Variants in TRABD2B observed in about 807,000 individuals in gnomAD.
TRABD2B encodes metalloprotease TIKI2.
Under a neutral mutation model 40.1 loss-of-function variants are expected in TRABD2B, and 14 were observed. That is an observed-to-expected ratio of 0.35 (90% confidence interval 0.23 to 0.55). The LOEUF is 0.55. TRABD2B is among the 20% of genes least tolerant of loss of function. The pLI, the probability that TRABD2B is intolerant of heterozygous loss-of-function variation, is 0.90. For synonymous variants in TRABD2B, 263 were observed against 277.0 expected (o/e 0.95, Z 0.50); for missense variants, 541 against 648.6 (o/e 0.83, Z 1.80).
chr1:47,986,845 C>T (rs916728658), intron 2 of TRABD2B, among the ~76,000 whole-genome samples: 9 of 152,190 alleles, frequency 5.9e-5, no homozygotes, highest in South Asian at 2.1e-4. Context: ...AGCTGCTCGG[C>T]GAGACGGCTT....
intron 2 of TRABD2B, among the ~76,000 whole-genome samples, chr1:47,977,229 T>C (rs1645769544): frequency 6.6e-6 from 1 of 152,138 alleles, no homozygotes; most frequent in African/African-American, 2.4e-5. Context: ...CATGCCACCA[T>C]GTCACCAGCT....
At chr1:47,992,906 A>C (rs1020226735) in intron 2 of TRABD2B, among the ~76,000 whole-genome samples, 1 of 152,208 alleles carries the variant, frequency 6.6e-6, no homozygotes, top group Non-Finnish European at 1.5e-5. Flanking sequence ...CCGGCAAATC[A>C]ATCTGGCTTC....
At chr1:47,939,230 G>C (rs902000181) in intron 2 of TRABD2B, among the ~76,000 whole-genome samples, 1 of 152,104 alleles carries the variant, frequency 6.6e-6, no homozygotes, top group Non-Finnish European at 1.5e-5. Context: ...AGCACAGGCA[G>C]AGAGTTTTGA....
intron 2 of TRABD2B, among the ~76,000 whole-genome samples, chr1:47,842,456 G>T (rs1329003915): frequency 6.6e-6 from 1 of 152,116 alleles, no homozygotes; most frequent in African/African-American, 2.4e-5. Context: ...TCCCAGGGGG[G>T]AGGATACTGG....
At chr1:47,946,647 T>C (rs1320770415) in intron 2 of TRABD2B, among the ~76,000 whole-genome samples, 4 of 152,210 alleles carry the variant, frequency 2.6e-5, no homozygotes, top group Non-Finnish European at 5.9e-5. Context: ...ATAATTTTGT[T>C]GAGAGTTTTT....
intron 2 of TRABD2B, among the ~76,000 whole-genome samples, chr1:47,816,819 G>C (rs1013727513): frequency 3.9e-5 from 6 of 152,220 alleles, no homozygotes; most frequent in African/African-American, 1.4e-4. Flanking sequence ...CCAACTCTGT[G>C]AGGTGGTTCT....
intron 2 of TRABD2B, among the ~76,000 whole-genome samples, chr1:47,855,579 A>C (rs1016717247): frequency 6.6e-6 from 1 of 152,256 alleles, no homozygotes; most frequent in African/African-American, 2.4e-5. Context: ...ACAGCTGTCT[A>C]GTATTTCACT....
chr1:47,949,401 CTTTTTTTTTTTTTTT>C (rs35027686), intron 2 of TRABD2B, among the ~76,000 whole-genome samples: 1 of 80,280 alleles, frequency 1.2e-5, no homozygotes, highest in Non-Finnish European at 2.3e-5. Context: ...TCTTTTCTTT[CTTTTTTTTTTTTTTT>C]TTTTTTTTTG....
intron 2 of TRABD2B, among the ~76,000 whole-genome samples, chr1:47,885,737 A>C (rs7554657): frequency 0.042 from 6,411 of 152,208 alleles, 477 homozygotes; most frequent in African/African-American, 0.15. Context: ...TTTCAGGAGC[A>C]GTTTGGGAAG....
At chr1:47,976,758 T>C (rs1307213305) in intron 2 of TRABD2B, among the ~76,000 whole-genome samples, 4 of 152,216 alleles carry the variant, frequency 2.6e-5, no homozygotes, top group African/African-American at 9.6e-5. Flanking sequence ...ACATGAGCAG[T>C]ACCTGGCATG....
chr1:47,912,558 G>C (rs2124709546), intron 2 of TRABD2B, among the ~76,000 whole-genome samples: 1 of 152,334 alleles, frequency 6.6e-6, no homozygotes, highest in South Asian at 2.1e-4. Flanking sequence ...GCTGGAGGTG[G>C]CATGGAAAAT....
At position 47,994,150 on chromosome 1, in the gene TRABD2B, G is replaced by A; in HGVS notation, c.550C>T (p.Pro184Ser). 6.5e-7 allele frequency: 1 copy of A among 1,536,470 alleles called. No individual in the cohort carries two copies. Among genetic ancestry groups the A allele is most frequent in the East Asian group, 2.4e-5 (1 of 40,912 alleles). ...TGGGCCAGGTAGAGGTCGAGCACGGGCACACCACGGAAGCGCACGTCCCTC... is the reference window on the plus strand; with the variant it reads ...TGGGCCAGGTAGAGGTCGAGCACGGACACACCACGGAAGCGCACGTCCCTC... Reference protein sequence around the residue: ...TERDVRFRGVPVLDLYLAQQA... With the variant: ...TERDVRFRGVSVLDLYLAQQA... The change falls in exon 2 of 7, where the codon CCC (proline) becomes TCC (serine). Residue 184 changes from proline (P) to serine (S), a missense_variant. By Grantham distance (74) the Pro-to-Ser change is moderately conservative. Coordinates refer to ENST00000606738, the MANE Select transcript of TRABD2B (RefSeq NM_001194986.2). This position sits in a 1 kb window ranked among gnomAD's most constrained non-coding sequence, Gnocchi z 6.7.
At chr1:47,811,000 G>T (rs538853465) in intron 2 of TRABD2B, among the ~76,000 whole-genome samples, 17 of 152,354 alleles carry the variant, frequency 1.1e-4, no homozygotes, top group Non-Finnish European at 1.9e-4. Flanking sequence ...GGCAGGGAGA[G>T]CAGAAAGTGG....
chr1:47,770,464 A>G (rs1317112107), intron 6 of TRABD2B, among the ~76,000 whole-genome samples: 1 of 152,220 alleles, frequency 6.6e-6, no homozygotes, highest in Non-Finnish European at 1.5e-5. Context: ...GCCATGACTG[A>G]TCAATTCCAT....
chr1:47,831,111 G>A (rs1182291847), intron 2 of TRABD2B, among the ~76,000 whole-genome samples: 1 of 152,164 alleles, frequency 6.6e-6, no homozygotes, highest in South Asian at 2.1e-4. Context: ...AGGCAGCTAC[G>A]TGTGCTGGTC....
chr1:47,812,488 G>A (rs911426003), intron 2 of TRABD2B, among the ~76,000 whole-genome samples: 1 of 152,146 alleles, frequency 6.6e-6, no homozygotes, highest in Non-Finnish European at 1.5e-5. Context: ...AGCACTTTGC[G>A]GGGCTGAGGC....
rs188867307 is a variant in TRABD2B at position 47,823,141 on chromosome 1, C to T, written c.667-21522G>A. ...TGCTGTGCTCATGCATCCCCTGGGA[C>T]GCCACAGGTTCTTGCCTGGAGATCT... is the stretch of plus-strand genomic sequence containing the variant. On this transcript the variant is annotated intron_variant, in intron 2 of 6. Transcript: ENST00000606738. Among the ~76,000 whole-genome samples the T allele has an allele frequency of 2.3e-3, 355 of 152,354 alleles. 1 individual carries two copies. Among genetic ancestry groups the T allele is most frequent in the South Asian group, 0.014 (67 of 4,826 alleles).
intron 2 of TRABD2B, among the ~76,000 whole-genome samples, chr1:47,957,033 C>T (rs1238343772): frequency 6.6e-6 from 1 of 152,226 alleles, no homozygotes; most frequent in Non-Finnish European, 1.5e-5. Context: ...CAGGCGGCAA[C>T]ATTTGCCATT....
chr1:47,991,453 G>A (rs1042874061), intron 2 of TRABD2B, among the ~76,000 whole-genome samples: 2 of 152,116 alleles, frequency 1.3e-5, no homozygotes, highest in South Asian at 2.1e-4. Context: ...GCAAAGTCAC[G>A]GTGATGTTGG....
Sources: allele counts gnomAD v4.1 joint callset (sites outside exome capture counted in the v4.1 genomes callset), GRCh38; gene constraint gnomAD v4.1.1; non-coding constraint Gnocchi (gnomAD v3.1); transcripts MANE v1.5; gene names NCBI Gene and HGNC (gene_info 2026-07-23, HGNC 2026-07-21).